Variants in GSDMB observed in about 807,000 individuals in gnomAD.
GSDMB encodes gasdermin-B.
Under a neutral mutation model 42.9 loss-of-function variants are expected in GSDMB, and 32 were observed. That is an observed-to-expected ratio of 0.75 (90% confidence interval 0.56 to 1.00). The LOEUF (loss-of-function observed/expected upper bound fraction) is 1.00. Ranked by LOEUF, GSDMB falls within the 50% of genes least tolerant of loss-of-function variation. GSDMB has a pLI of 0.00. For missense variants in GSDMB, 468 were observed against 498.5 expected (o/e 0.94, Z 0.58); for synonymous variants, 175 against 193.7 (o/e 0.90, Z 0.80).
intron 5 of GSDMB, 92 bp from the exon 6 acceptor site, chr17:39,908,306 C>A: frequency 1.9e-6 from 1 of 527,192 alleles, no homozygotes; most frequent in South Asian, 2.6e-5. Context: ...CCTCTCAATC[C>A]CTATACCAGC....
intron 3 of GSDMB, among the ~76,000 whole-genome samples, chr17:39,910,321 C>T (rs2063585412): frequency 1.3e-5 from 2 of 152,128 alleles, no homozygotes; most frequent in East Asian, 3.8e-4. Flanking sequence ...AAGACTCCAC[C>T]TCAAAACAAA....
At chr17:39,905,089 T>C (rs900240116) in intron 10 of GSDMB, 125 bp from the exon 11 acceptor site, 2 of 806,932 alleles carry the variant, frequency 2.5e-6, no homozygotes, top group East Asian at 2.4e-5. Flanking sequence ...TGGCACTCTT[T>C]CCTGCAGAGC....
intron 9 of GSDMB, 84 bp from the exon 10 acceptor site, chr17:39,905,580 C>A: frequency 8.6e-7 from 1 of 1,156,676 alleles, no homozygotes; most frequent in South Asian, 1.3e-5. Flanking sequence ...GAACATGTAT[C>A]ATCAAAAGGT....
intron 2 of GSDMB, among the ~76,000 whole-genome samples, chr17:39,916,055 G>A (rs1241770357): frequency 6.6e-6 from 1 of 152,080 alleles, no homozygotes; most frequent in Non-Finnish European, 1.5e-5. Context: ...AGTACCCCAG[G>A]AATAACTGAG....
At chr17:39,908,690 A>G (rs1269330510) in intron 5 of GSDMB, among the ~76,000 whole-genome samples, 2 of 152,150 alleles carry the variant, frequency 1.3e-5, no homozygotes, top group Non-Finnish European at 2.9e-5. Context: ...AAAAAAGACA[A>G]TTATTCTATT....
chr17:39,906,823 T>C, intron 7 of GSDMB, 138 bp downstream of exon 7: 3 of 1,519,484 alleles, frequency 2.0e-6, no homozygotes, highest in Non-Finnish European at 2.6e-6. Context: ...GCCTCCAGAC[T>C]AAAGTTGAAA....
intron 3 of GSDMB, among the ~76,000 whole-genome samples, chr17:39,911,332 A>AAAAAAAAAAAAAG (rs2063604123): frequency 6.6e-6 from 1 of 151,602 alleles, no homozygotes; most frequent in Non-Finnish European, 1.5e-5. Flanking sequence ...TCAAAAAAAA[A>AAAAAAAAAAAAAG]AAAAGGAAAA....
chr17:39,917,585 CCG>C (rs541186443), intron 1 of GSDMB: 3 of 96,252 alleles, frequency 3.1e-5, no homozygotes, highest in East Asian at 5.8e-4. Flanking sequence ...TATAGTCTCC[CCG>C]CCGCCGCCCT....
chr17:39,917,148 T>C lies in GSDMB; in HGVS notation c.169A>G (p.Thr57Ala), dbSNP rs1449249354. ...TCTGTGTCCAGAATGTCCATCAGGG[T>C]GAGGCCTGTTGTGTAGTGCCGGCAT... ...FGCRHYTTGL[T>A]LMDILDTDGD... Residue 57 changes from threonine to alanine, a missense_variant, in exon 2 of 11, where the codon ACC becomes GCC. Physicochemically the swap from Thr to Ala is moderately conservative, Grantham distance 58. Coordinates refer to ENST00000418519, the MANE Select transcript of GSDMB (RefSeq NM_001165958.2). The C allele has an allele frequency of 6.2e-7, 1 of 1,614,010 alleles. No individual in the cohort carries two copies. The highest frequency in any genetic ancestry group is 1.3e-5 in the African/African-American group (1 of 74,896).
At position 39,917,318 on chromosome 17, in the gene GSDMB, G is replaced by A; in HGVS notation, c.-2C>T. ...GATTTCCTCAAATACGCTGAACATTGCGCCTGGACCAACTCAGAAACAGAA... is the reference window on the plus strand; with the variant it reads ...GATTTCCTCAAATACGCTGAACATTACGCCTGGACCAACTCAGAAACAGAA... On this transcript the variant is annotated 5_prime_UTR_variant, in exon 2 of 11. Coordinates refer to ENST00000418519, the MANE Select transcript of GSDMB (RefSeq NM_001165958.2). The A allele has an allele frequency of 6.3e-7, 1 of 1,589,980 alleles. No individual in the cohort carries two copies. Among genetic ancestry groups the A allele is most frequent in the Non-Finnish European group, 8.6e-7 (1 of 1,157,976 alleles).
At chr17:39,909,948 G>C in intron 3 of GSDMB, 24 bp from the exon 4 acceptor site, 1 of 1,594,016 alleles carries the variant, frequency 6.3e-7, no homozygotes, top group East Asian at 2.2e-5. Flanking sequence ...AGAGAGATGA[G>C]AGTTAAGGAT....
At chr17:39,908,320 CAATCA>C in intron 5 of GSDMB, 106 bp from the exon 6 acceptor site, 1 of 293,344 alleles carries the variant, frequency 3.4e-6, no homozygotes, top group Non-Finnish European at 5.7e-6. Context: ...TACCAGCCTC[CAATCA>C]AAAAAAAAAA....
chr17:39,908,324 CAA>C (rs3076830), intron 5 of GSDMB, 110 bp from the exon 6 acceptor site: 27,406 of 244,776 alleles, frequency 0.11, 19 homozygotes, highest in East Asian at 0.17. Flanking sequence ...AGCCTCCAAT[CAA>C]AAAAAAAAAA....
At chr17:39,906,435 C>T (rs1185826444) in intron 7 of GSDMB, 164 bp from the exon 8 acceptor site, 1 of 896,868 alleles carries the variant, frequency 1.1e-6, no homozygotes, top group East Asian at 2.7e-5. Context: ...AGATACCTAC[C>T]ATCATTGCCT....
chr17:39,904,719 C>A lies in GSDMB; in HGVS notation c.*93G>T. On this transcript the variant is annotated 3_prime_UTR_variant, in exon 11 of 11. Coordinates refer to ENST00000418519, the MANE Select transcript of GSDMB (RefSeq NM_001165958.2). ...GGTTGGCTGCTTGTTTTAAAGAGGT[C>A]CCACTGGTGACAGGATGGTAGTGGC... 3.9e-6 allele frequency: 4 copies of A among 1,019,900 alleles called. No homozygotes were observed. Among genetic ancestry groups the A allele is most frequent in the East Asian group, 2.4e-5 (1 of 41,410 alleles). The allele number at this position is 1,019,900 out of a possible 1,614,324, so 63.2% of individuals were successfully genotyped here.
In GSDMB at chr17:39,917,590, G is replaced by A. The variant is rs201413617; in HGVS notation, c.-14-260C>T. On this transcript the variant is annotated intron_variant, in intron 1 of 10. Transcript: ENST00000418519. ...CCTGATACAATATAGTCTCCCCGCC[G>A]CCGCCCTTAAGAAGGTACTTTGTAA... The A allele has an allele frequency of 4.0e-4, 37 of 92,674 alleles. 1 individual carries two copies. Among genetic ancestry groups the A allele is most frequent in the Admixed American group, 2.2e-3 (10 of 4,646 alleles). 5.7% of individuals were successfully genotyped at this position (92,674 alleles called of 1,614,324 possible).
At chr17:39,909,175 G>A in intron 4 of GSDMB, 133 bp from the exon 5 acceptor site, 1 of 614,924 alleles carries the variant, frequency 1.6e-6, no homozygotes. Context: ...GGCTCTCAGA[G>A]GTCAGCAGGT....
intron 6 of GSDMB, chr17:39,907,270 T>G: frequency 8.7e-7 from 1 of 1,143,402 alleles, no homozygotes; most frequent in Non-Finnish European, 1.1e-6. Flanking sequence ...TCCGCAAATT[T>G]GGGTCAGACT....
At position 39,916,982 on chromosome 17, in the gene GSDMB, CGTT is replaced by C. The variant is rs577127635; in HGVS notation, c.235+97_235+99del. ...TGGATGTGTACAAATCCCACAGTTT[CGTT>C]GTTGATTGGTTGATAACAATGGGGA... On this transcript the variant is annotated intron_variant, in intron 2 of 10. Transcript: ENST00000418519. The C allele has an allele frequency of 1.4e-4, 109 of 756,402 alleles. No individual in the cohort carries two copies. In the African/African-American group the frequency reaches 1.6e-3, roughly 11 times the overall value. 46.9% of individuals were successfully genotyped at this position (756,402 alleles called of 1,614,324 possible). A position where few individuals can be genotyped will look rare whatever the true frequency, so the allele number is the denominator to read the frequency against.
Sources: allele counts gnomAD v4.1 joint callset (sites outside exome capture counted in the v4.1 genomes callset), GRCh38; gene constraint gnomAD v4.1.1; transcripts MANE v1.5; gene names NCBI Gene and HGNC (gene_info 2026-07-23, HGNC 2026-07-21).